Variants in PALS1 observed in about 807,000 individuals in gnomAD.
PALS1 encodes protein associated with LIN7 1, MAGUK p55 family member.
Under a neutral mutation model 78.9 loss-of-function variants are expected in PALS1, and 31 were observed. The ratio of observed to expected loss-of-function variants is 0.39; its 90% CI spans 0.30 to 0.53. The LOEUF (loss-of-function observed/expected upper bound fraction) is 0.53. Among genes scored for constraint, PALS1 ranks in the 20% least tolerant of loss-of-function variants. The pLI, the probability that PALS1 is intolerant of heterozygous loss-of-function variation, is 0.67. For missense variants in PALS1, 704 were observed against 826.5 expected, an observed-to-expected ratio of 0.85 and a Z score of 1.82; for synonymous variants, 276 against 270.9, an observed-to-expected ratio of 1.02 and a Z score of -0.18.
At chr14:67,287,761 T>C (rs1039831237) in intron 3 of PALS1, among the ~76,000 whole-genome samples, 2 of 152,232 alleles carry the variant, frequency 1.3e-5, no homozygotes, top group Non-Finnish European at 2.9e-5. Flanking sequence ...ATCTATACGG[T>C]TAGACCAGCA....
intron 1 of PALS1, among the ~76,000 whole-genome samples, chr14:67,255,319 T>G (rs2084130018): frequency 6.6e-6 from 1 of 152,340 alleles, no homozygotes; most frequent in South Asian, 2.1e-4. Context: ...TCTTTGAGTT[T>G]GTCATTGTGA....
chr14:67,245,202 A>G (rs777931610), intron 1 of PALS1, among the ~76,000 whole-genome samples: 60 of 152,256 alleles, frequency 3.9e-4, no homozygotes, highest in Non-Finnish European at 6.6e-4. Flanking sequence ...AATTTGTTAC[A>G]TTGGCATAGG....
At chr14:67,306,022 A>G (rs928041330) in intron 8 of PALS1, among the ~76,000 whole-genome samples, 5 of 152,134 alleles carry the variant, frequency 3.3e-5, no homozygotes, top group African/African-American at 1.2e-4. Flanking sequence ...CACCGAGGCA[A>G]GCAGTGGCAC....
intron 1 of PALS1, among the ~76,000 whole-genome samples, chr14:67,266,010 T>A (rs2084316826): frequency 6.6e-6 from 1 of 152,164 alleles, no homozygotes; most frequent in East Asian, 1.9e-4. Context: ...GGTCTCACTG[T>A]GTTGCCAAGG....
intron 14 of PALS1, among the ~76,000 whole-genome samples, chr14:67,327,288 T>C (rs1031096425): frequency 6.6e-6 from 1 of 152,172 alleles, no homozygotes; most frequent in Non-Finnish European, 1.5e-5. Flanking sequence ...AGGAGTAGAA[T>C]TGCCGGATCA....
chr14:67,312,299 C>T (rs1247896473), intron 8 of PALS1: 1 of 293,408 alleles, frequency 3.4e-6, no homozygotes, highest in Non-Finnish European at 6.2e-6. Flanking sequence ...AAATTGTGGC[C>T]AAGTGCAGTG....
intron 3 of PALS1, among the ~76,000 whole-genome samples, chr14:67,282,094 T>C (rs2084615302): frequency 1.3e-5 from 2 of 152,188 alleles, no homozygotes; most frequent in Admixed American, 1.3e-4. Context: ...ATATCTGTTA[T>C]GTAAGAATCA....
At chr14:67,293,260 TTGATC>T (rs2084800924) in intron 4 of PALS1, among the ~76,000 whole-genome samples, 1 of 152,184 alleles carries the variant, frequency 6.6e-6, no homozygotes, top group African/African-American at 2.4e-5. Flanking sequence ...TGTTCAGTGT[TTGATC>T]TGTTATGCAA....
At chr14:67,256,436 A>G (rs550456000) in intron 1 of PALS1, among the ~76,000 whole-genome samples, 1 of 152,232 alleles carries the variant, frequency 6.6e-6, no homozygotes, top group Non-Finnish European at 1.5e-5. Flanking sequence ...AGAAACCATG[A>G]AATTAATTTT....
chr14:67,261,245 G>T (rs2084232087), intron 1 of PALS1, among the ~76,000 whole-genome samples: 1 of 152,142 alleles, frequency 6.6e-6, no homozygotes, highest in Non-Finnish European at 1.5e-5. Flanking sequence ...GCAATACTGT[G>T]TAAAATGATT....
rs565998144 is a variant in PALS1 at position 67,270,779 on chromosome 14, G to A, written c.-154+996G>A. ...TTCTTTAATTCTGGAAGAACTTTAGGATCTTTCATTGCCTTCATTAAATTA... is the reference window on the plus strand; with the variant it reads ...TTCTTTAATTCTGGAAGAACTTTAGAATCTTTCATTGCCTTCATTAAATTA... On this transcript the variant is annotated intron_variant, in intron 2 of 14. Transcript: ENST00000261681. 1.4e-4 allele frequency: 21 copies of A among 152,190 alleles called. No homozygotes were observed. In the South Asian group the frequency reaches 1.5e-3, roughly 11 times the overall value. The allele number at this position is 152,190 out of a possible 1,614,324, so 9.4% of individuals were successfully genotyped here. A position where few individuals can be genotyped will look rare whatever the true frequency, so the allele number is the denominator to read the frequency against.
At chr14:67,312,987 G>C (rs140983793) in intron 9 of PALS1, among the ~76,000 whole-genome samples, 310 of 152,136 alleles carry the variant, frequency 2.0e-3, no homozygotes, top group African/African-American at 7.0e-3. Context: ...TATTATCGAG[G>C]CAATACAACT....
chr14:67,284,316 A>C (rs2084643880), intron 3 of PALS1, among the ~76,000 whole-genome samples: 1 of 151,512 alleles, frequency 6.6e-6, no homozygotes, highest in Non-Finnish European at 1.5e-5. Flanking sequence ...AAGGTTGTGC[A>C]GGCAGGCGTG....
At chr14:67,328,059 C>G (rs2085386458) in intron 14 of PALS1, among the ~76,000 whole-genome samples, 2 of 152,206 alleles carry the variant, frequency 1.3e-5, no homozygotes, top group Non-Finnish European at 2.9e-5. Flanking sequence ...AATCACCACA[C>G]TGTCTTCCAC....
At chr14:67,245,059 C>G (rs1443978087) in intron 1 of PALS1, among the ~76,000 whole-genome samples, 2 of 152,152 alleles carry the variant, frequency 1.3e-5, no homozygotes, top group Admixed American at 1.3e-4. Context: ...TGAGTGGTGT[C>G]TAGAATCTTG....
intron 1 of PALS1, chr14:67,254,180 T>G (rs1159307523): frequency 1.4e-5 from 2 of 139,184 alleles, no homozygotes; most frequent in Admixed American, 7.3e-5. Context: ...TTAAGTGTCT[T>G]TCTTTTTTTT....
At chr14:67,316,560 A>G (rs1412265873) in intron 9 of PALS1, among the ~76,000 whole-genome samples, 2 of 152,168 alleles carry the variant, frequency 1.3e-5, no homozygotes, top group Admixed American at 6.5e-5. Context: ...GCTCAATGAA[A>G]CCTTTTAAAA....
chr14:67,329,288 T>A (rs1471315239), intron 14 of PALS1, among the ~76,000 whole-genome samples: 1 of 152,184 alleles, frequency 6.6e-6, no homozygotes, highest in Non-Finnish European at 1.5e-5. Flanking sequence ...TGTCTGTTAT[T>A]GATGTATAGG....
chr14:67,279,887 T>G (rs1416375109), intron 3 of PALS1: 1 of 224,566 alleles, frequency 4.5e-6, no homozygotes, highest in African/African-American at 2.2e-5. Flanking sequence ...ATTTCTGATT[T>G]CCTTAAAGTT....
Sources: gnomAD v4.1 joint callset for allele counts (sites outside exome capture counted in the v4.1 genomes callset) on GRCh38, gnomAD v4.1.1 for gene constraint, MANE v1.5 for transcripts, NCBI Gene and HGNC (gene_info 2026-07-23, HGNC 2026-07-21) for gene names.